The following KIRREL3 variants were observed in gnomAD, a reference collection of about 807,000 sequenced individuals.
KIRREL3 encodes the protein kin of IRRE-like protein 3.
A neutral mutation model predicts 89.7 loss-of-function variants in KIRREL3; 36 were observed. The ratio of observed to expected loss-of-function variants is 0.40; its 90% confidence interval spans 0.31 to 0.53. KIRREL3 has a LOEUF of 0.53. Among genes scored for constraint, KIRREL3 ranks in the 20% least tolerant of loss-of-function variants. The probability of loss-of-function intolerance (pLI) is 0.49; values close to 1 mark genes in which losing one functional copy is unlikely to be tolerated. For synonymous variants in KIRREL3, 445 were observed against 441.4 expected (o/e 1.01, Z -0.10); for missense variants, 864 against 1,056.6 (o/e 0.82, Z 2.53).
In KIRREL3 at chr11:126,795,673, T is replaced by C. The variant is rs1412074976; in HGVS notation, c.55+204782A>G. Reference sequence around the variant, plus strand: ...TGCCAGGATTACAGGAGTGAGCCACTGTGCCTGGCCAGAAATATGTAGAAA... The same window carrying C: ...TGCCAGGATTACAGGAGTGAGCCACCGTGCCTGGCCAGAAATATGTAGAAA... On this transcript the variant is annotated intron_variant, in intron 1 of 16. Transcript: ENST00000525144. This position sits in a 1 kb window ranked among gnomAD's most constrained non-coding sequence, Gnocchi z 4.1. 6.6e-6 allele frequency among the ~76,000 whole-genome samples: 1 copy of C among 152,236 alleles called. No homozygotes were observed. Among genetic ancestry groups the C allele is most frequent in the Non-Finnish European group, 1.5e-5 (1 of 68,046 alleles).
At position 126,796,590 on chromosome 11, in the gene KIRREL3, T is replaced by A. The variant is rs760946514; in HGVS notation, c.55+203865A>T. ...TGGTACCCACTGGGTGATTGGGCACTAGAAATGTTGGCACAAGTGCCCTCT... is the reference window on the plus strand; with the variant it reads ...TGGTACCCACTGGGTGATTGGGCACAAGAAATGTTGGCACAAGTGCCCTCT... On this transcript the variant is annotated intron_variant, in intron 1 of 16. Coordinates refer to ENST00000525144, the MANE Select transcript of KIRREL3 (RefSeq NM_032531.4). This position sits in a 1 kb window ranked among gnomAD's most constrained non-coding sequence, Gnocchi z 5.1. Among the ~76,000 whole-genome samples, 1 of 152,244 alleles carries A rather than the reference T, an allele frequency of 6.6e-6. No homozygotes were observed. Among genetic ancestry groups the A allele is most frequent in the Non-Finnish European group, 1.5e-5 (1 of 68,042 alleles).
chr11:126,759,255 G>C (rs891882111), intron 1 of KIRREL3, among the ~76,000 whole-genome samples: 7 of 152,102 alleles, frequency 4.6e-5, no homozygotes, highest in African/African-American at 1.7e-4. Context: ...TCAGCCTCCG[G>C]AGTAGCTGGG....
rs1958900568 is a variant in KIRREL3, at chr11:126,530,216, C to T, written c.134-3529G>A. Among the ~76,000 whole-genome samples the T allele has an allele frequency of 6.6e-6, 1 of 152,164 alleles. No homozygotes were observed. Among genetic ancestry groups the T allele is most frequent in the African/African-American group, 2.4e-5 (1 of 41,430 alleles). On this transcript the variant is annotated intron_variant, in intron 2 of 16. Transcript: ENST00000525144. The surrounding 1 kb of genome is among the most constrained non-coding windows in gnomAD (Gnocchi z 5.8). ...TCTCCTGCCTCAGCCTCCTGAGCAG[C>T]TGGGATTACAGGTATGCACCAGCAT...
chr11:126,637,561 A>C (rs1565610788), intron 1 of KIRREL3, among the ~76,000 whole-genome samples: 1 of 152,178 alleles, frequency 6.6e-6, no homozygotes, highest in African/African-American at 2.4e-5. Context: ...TTCAACCTAC[A>C]GGTTTATTTC....
intron 4 of KIRREL3, among the ~76,000 whole-genome samples, chr11:126,483,485 C>T (rs907229854): frequency 7.9e-5 from 12 of 152,188 alleles, no homozygotes; most frequent in African/African-American, 2.7e-4. Context: ...ACCCAGTAGT[C>T]CCCTGCTGTT....
chr11:126,980,304 A>G (rs1006849372), intron 1 of KIRREL3, among the ~76,000 whole-genome samples: 8 of 152,194 alleles, frequency 5.3e-5, no homozygotes, highest in African/African-American at 1.9e-4. Flanking sequence ...CTGGAAAGAG[A>G]GATGGTGCCA....
In KIRREL3 at chr11:126,996,929, C is replaced by T. The variant is rs888679327; in HGVS notation, c.55+3526G>A. ...GCTCTAGGAATGCCAGAGCAAAATG[C>T]CAGAGAGTAGGGAAGAGACCACCTT... is the stretch of plus-strand genomic sequence containing the variant. On this transcript the variant is annotated intron_variant, in intron 1 of 16. Coordinates refer to ENST00000525144, the MANE Select transcript of KIRREL3 (RefSeq NM_032531.4). The surrounding 1 kb of genome is among the most constrained non-coding windows in gnomAD (Gnocchi z 4.7). Among the ~76,000 whole-genome samples, 2 of 152,154 alleles carry T rather than the reference C, an allele frequency of 1.3e-5. No individual in the cohort carries two copies. Among genetic ancestry groups the T allele is most frequent in the Non-Finnish European group, 2.9e-5 (2 of 68,006 alleles).
At chr11:126,713,198 C>T (rs959732772) in intron 1 of KIRREL3, among the ~76,000 whole-genome samples, 4 of 152,160 alleles carry the variant, frequency 2.6e-5, no homozygotes, top group African/African-American at 7.2e-5. Context: ...ATTTAGGGTA[C>T]GGACTGATGC....
intron 1 of KIRREL3, among the ~76,000 whole-genome samples, chr11:126,712,932 TGGTGCTAGGTATTA>T (rs1947818963): frequency 6.6e-6 from 1 of 152,118 alleles, no homozygotes; most frequent in South Asian, 2.1e-4. Context: ...AGCTCTGGCG[TGGTGCTAGGTATTA>T]GGTGCTAGGT....
At chr11:126,942,300 C>T (rs1397066630) in intron 1 of KIRREL3, among the ~76,000 whole-genome samples, 1 of 152,160 alleles carries the variant, frequency 6.6e-6, no homozygotes, top group East Asian at 1.9e-4. Context: ...TCACGCCTGG[C>T]ACACGGTAAA....
rs1943014277 is a variant in KIRREL3, at chr11:126,609,133, G to A, written c.56-46221C>T. 6.6e-6 allele frequency among the ~76,000 whole-genome samples: 1 copy of A among 152,164 alleles called. No individual in the cohort carries two copies. The highest frequency in any genetic ancestry group is 2.4e-5 in the African/African-American group (1 of 41,428). The stretch of plus-strand genomic sequence containing the variant: ...ATTGAGGAGCACTGCAGCGAGACCT[G>A]ACCACCGCCCAGCCCAGGTTGGGTT... On this transcript the variant is annotated intron_variant, in intron 1 of 16. Coordinates refer to ENST00000525144, the MANE Select transcript of KIRREL3 (RefSeq NM_032531.4). The surrounding 1 kb of genome is among the most constrained non-coding windows in gnomAD (Gnocchi z 5.0).
intron 1 of KIRREL3, among the ~76,000 whole-genome samples, chr11:126,885,183 T>A (rs1192807300): frequency 6.6e-6 from 1 of 152,186 alleles, no homozygotes; most frequent in African/African-American, 2.4e-5. Flanking sequence ...TACTTTTCCA[T>A]TTTTTACATT....
At chr11:126,534,499 G>A (rs1367345407) in intron 2 of KIRREL3, among the ~76,000 whole-genome samples, 19 of 152,162 alleles carry the variant, frequency 1.2e-4, no homozygotes, top group Admixed American at 2.6e-4. Flanking sequence ...TCCTGAAAGC[G>A]GGAGGCTCTG....
intron 7 of KIRREL3, among the ~76,000 whole-genome samples, chr11:126,451,227 ATGCATGTGTACATGT>A (rs1260444584): frequency 7.9e-6 from 1 of 126,064 alleles, no homozygotes; most frequent in East Asian, 2.5e-4. Context: ...GGGTGTGTGT[ATGCATGTGTACATGT>A]GTGAGCATGT....
chr11:126,857,799 A>C, intron 1 of KIRREL3, among the ~76,000 whole-genome samples: 1 of 75,460 alleles, frequency 1.3e-5, no homozygotes, highest in African/African-American at 4.7e-5. Flanking sequence ...GGGGTGGGTG[A>C]GGCTGGGCCC....
chr11:126,599,673 C>T (rs112672591), intron 1 of KIRREL3, among the ~76,000 whole-genome samples: 13 of 152,332 alleles, frequency 8.5e-5, no homozygotes, highest in Non-Finnish European at 1.6e-4. Context: ...TTGCTTACAG[C>T]TCTTGCATAT....
chr11:126,632,067 A>G (rs1019637482), intron 1 of KIRREL3, among the ~76,000 whole-genome samples: 17 of 152,212 alleles, frequency 1.1e-4, no homozygotes, highest in African/African-American at 3.9e-4. Context: ...AGGCCATCAC[A>G]TAGATTACTG....
rs569665219 is a variant in KIRREL3 at position 126,527,976 on chromosome 11, C to T, written c.134-1289G>A. ...CCCACAGTACAACCAGTACTTCATA[C>T]AACCCCTCCTGTAATCCACTTAATT... On this transcript the variant is annotated intron_variant, in intron 2 of 16. Transcript: ENST00000525144. The surrounding 1 kb of genome is among the most constrained non-coding windows in gnomAD (Gnocchi z 4.2). 9.9e-5 allele frequency among the ~76,000 whole-genome samples: 15 copies of T among 152,200 alleles called. No individual in the cohort carries two copies. Among genetic ancestry groups the T allele is most frequent in the Non-Finnish European group, 1.9e-4 (13 of 68,044 alleles).
At chr11:126,518,761 C>G (rs911804796) in intron 4 of KIRREL3, among the ~76,000 whole-genome samples, 1 of 152,232 alleles carries the variant, frequency 6.6e-6, no homozygotes, top group Admixed American at 6.5e-5. Context: ...CCCCTTCCAG[C>G]TGGCTGGGTC....
Sources: gnomAD v4.1 joint callset for allele counts (sites outside exome capture counted in the v4.1 genomes callset) on GRCh38, gnomAD v4.1.1 for gene constraint, Gnocchi (gnomAD v3.1) non-coding constraint, MANE v1.5 for transcripts, NCBI Gene and HGNC (gene_info 2026-07-23, HGNC 2026-07-21) for gene names.